Variants in RAB10 observed in about 807,000 individuals in gnomAD.
RAB10 encodes RAB10, member RAS oncogene family.
In RAB10, 5 loss-of-function variants were observed where a neutral mutation model predicts 25.7. The observed-to-expected ratio is 0.19, with a 90% CI of 0.10 to 0.41. RAB10 has a LOEUF of 0.41. Among genes scored for constraint, RAB10 ranks in the 10% least tolerant of loss-of-function variants. The pLI, the probability that RAB10 is intolerant of heterozygous loss-of-function variation, is 1.00. For synonymous variants in RAB10, 89 were observed against 86.4 expected, an observed-to-expected ratio of 1.03 and a Z score of -0.16; for missense variants, 103 against 245.8, an observed-to-expected ratio of 0.42 and a Z score of 3.89.
intron 1 of RAB10, among the ~76,000 whole-genome samples, chr2:26,059,175 C>T (rs968403559): frequency 1.3e-5 from 2 of 152,166 alleles, no homozygotes; most frequent in African/African-American, 4.8e-5. Flanking sequence ...AATTGCTTTA[C>T]CAGTTTGGAA....
At chr2:26,116,556 T>G (rs1417105627) in intron 3 of RAB10, among the ~76,000 whole-genome samples, 5 of 123,388 alleles carry the variant, frequency 4.1e-5, no homozygotes, top group Admixed American at 3.2e-4. Flanking sequence ...GTGTTTTTTT[T>G]TTTTTTTTTT....
chr2:26,116,706 G>A (rs1164258525), intron 3 of RAB10, among the ~76,000 whole-genome samples: 11 of 151,702 alleles, frequency 7.3e-5, no homozygotes, highest in African/African-American at 1.5e-4. Flanking sequence ...ACAGGCACCC[G>A]CCACCGCACC....
At chr2:26,052,385 CAAAG>C (rs775956649) in intron 1 of RAB10, among the ~76,000 whole-genome samples, 1 of 151,386 alleles carries the variant, frequency 6.6e-6, no homozygotes, top group Admixed American at 6.6e-5. Flanking sequence ...GACGCATTCT[CAAAG>C]AAAAGATGTT....
chr2:26,072,580 T>C (rs1666650985), intron 1 of RAB10, among the ~76,000 whole-genome samples: 1 of 152,178 alleles, frequency 6.6e-6, no homozygotes, highest in African/African-American at 2.4e-5. Flanking sequence ...CTGAGCTTTG[T>C]AGTGTTGAAG....
intron 1 of RAB10, among the ~76,000 whole-genome samples, chr2:26,041,684 TC>T (rs1389912240): frequency 6.6e-6 from 1 of 150,676 alleles, no homozygotes; most frequent in Non-Finnish European, 1.5e-5. Context: ...GGCGGGCAGA[TC>T]ACCTAAGGTC....
chr2:26,042,117 A>T (rs892914411), intron 1 of RAB10, among the ~76,000 whole-genome samples: 24 of 152,082 alleles, frequency 1.6e-4, no homozygotes, highest in Non-Finnish European at 8.8e-5. Context: ...TCTATACTGG[A>T]TGTGCTACCT....
intron 1 of RAB10, among the ~76,000 whole-genome samples, chr2:26,055,378 C>G (rs1263917415): frequency 6.6e-6 from 1 of 151,670 alleles, no homozygotes; most frequent in East Asian, 1.9e-4. Context: ...GCATGCGACA[C>G]CACACTTGGC....
intron 1 of RAB10, among the ~76,000 whole-genome samples, chr2:26,035,211 G>C (rs1004212274): frequency 6.6e-6 from 1 of 152,132 alleles, no homozygotes; most frequent in African/African-American, 2.4e-5. Context: ...AATAATTAAG[G>C]TAAATTAGAA....
intron 2 of RAB10, among the ~76,000 whole-genome samples, chr2:26,106,288 T>G (rs961353496): frequency 6.6e-6 from 1 of 152,204 alleles, no homozygotes; most frequent in Admixed American, 6.5e-5. Context: ...TAAAACAATT[T>G]GACAAAGTAA....
intron 1 of RAB10, among the ~76,000 whole-genome samples, chr2:26,039,042 T>C (rs932368952): frequency 4.4e-5 from 6 of 134,984 alleles, no homozygotes; most frequent in African/African-American, 8.4e-5. Context: ...TTTTAAGATA[T>C]AGAGTCTTGT....
intron 1 of RAB10, among the ~76,000 whole-genome samples, chr2:26,079,968 A>G (rs1437217164): frequency 2.0e-5 from 3 of 152,162 alleles, no homozygotes; most frequent in South Asian, 2.1e-4. Context: ...CTTAAATACA[A>G]TTTCTTAATA....
intron 1 of RAB10, among the ~76,000 whole-genome samples, chr2:26,039,173 C>A (rs1317960081): frequency 1.3e-5 from 2 of 151,776 alleles, no homozygotes; most frequent in African/African-American, 2.4e-5. Flanking sequence ...GCGTGTGCCA[C>A]CATGCCCAAC....
intron 2 of RAB10, among the ~76,000 whole-genome samples, chr2:26,105,029 G>A (rs896373321): frequency 6.6e-6 from 1 of 152,046 alleles, no homozygotes; most frequent in South Asian, 2.1e-4. Context: ...GAGCCACCGC[G>A]CCCTGCCATT....
At chr2:26,056,941 T>G (rs7599132) in intron 1 of RAB10, among the ~76,000 whole-genome samples, 3 of 152,104 alleles carry the variant, frequency 2.0e-5, no homozygotes, top group Non-Finnish European at 2.9e-5. Context: ...GTGTGGTGCC[T>G]ACTATGAAGG....
At chr2:26,109,042 G>A (rs1667521379) in intron 2 of RAB10, among the ~76,000 whole-genome samples, 1 of 151,914 alleles carries the variant, frequency 6.6e-6, no homozygotes, top group African/African-American at 2.4e-5. Flanking sequence ...CTCCCGAGCA[G>A]GTGGGATTAC....
At chr2:26,086,917 G>A (rs1270210021) in intron 1 of RAB10, among the ~76,000 whole-genome samples, 1 of 152,160 alleles carries the variant, frequency 6.6e-6, no homozygotes, top group Non-Finnish European at 1.5e-5. Context: ...ATCCAAAATA[G>A]GTAAATCCAC....
intron 1 of RAB10, among the ~76,000 whole-genome samples, chr2:26,048,923 C>A (rs1257224277): frequency 2.0e-5 from 3 of 152,126 alleles, no homozygotes; most frequent in African/African-American, 7.2e-5. Context: ...ATATTTTCTT[C>A]CAGTCTGTAG....
chr2:26,122,850 C>T lies in RAB10; in HGVS notation c.328-4294C>T, dbSNP rs147595858. Among the ~76,000 whole-genome samples the T allele has an allele frequency of 3.6e-3, 546 of 151,934 alleles. 7 individuals carry two copies. The South Asian group carries it at 0.039, about 11-fold the overall frequency. ...ACACAGCAGACAAGTTCCTGGGCAC[C>T]GCTGAACAAGTCTTTAATGCAGTTA... On this transcript the variant is annotated intron_variant, in intron 3 of 5. Transcript: ENST00000264710.
intron 1 of RAB10, among the ~76,000 whole-genome samples, chr2:26,040,598 C>T (rs1360546030): frequency 1.3e-5 from 2 of 152,020 alleles, no homozygotes; most frequent in Non-Finnish European, 2.9e-5. Context: ...TTCAAAGGTG[C>T]AGTGAGCTCG....
Sources: allele counts gnomAD v4.1 joint callset (sites outside exome capture counted in the v4.1 genomes callset), GRCh38; gene constraint gnomAD v4.1.1; transcripts MANE v1.5; gene names NCBI Gene and HGNC (gene_info 2026-07-23, HGNC 2026-07-21).